The following SHANK1 variants were observed in gnomAD, a reference collection of about 807,000 sequenced individuals.
The protein encoded by SHANK1 is SH3 and multiple ankyrin repeat domains protein 1.
A neutral mutation model predicts 165.6 loss-of-function variants in SHANK1; 35 were observed. That is an observed-to-expected ratio of 0.21 (90% CI 0.16 to 0.28). The LOEUF (loss-of-function observed/expected upper bound fraction) is 0.28, where lower values mean the gene tolerates loss of function less well. Ranked by LOEUF, SHANK1 falls within the 10% of genes least tolerant of loss-of-function variation. The pLI is 1.00. For missense variants in SHANK1, 2,681 were observed against 3,036.4 expected (o/e 0.88, Z 2.75); for synonymous variants, 1,428 against 1,384.8 (o/e 1.03, Z -0.69).
chr19:50,695,784 A>T (rs1008895088), intron 15 of SHANK1, among the ~76,000 whole-genome samples: 5 of 151,952 alleles, frequency 3.3e-5, no homozygotes, highest in Non-Finnish European at 7.4e-5. Context: ...CCCCAAGGCC[A>T]TGAGCAACAC....
At chr19:50,666,052 T>G in intron 23 of SHANK1, 140 bp downstream of exon 23, 1 of 732,134 alleles carries the variant, frequency 1.4e-6, no homozygotes, top group Non-Finnish European at 2.1e-6. Flanking sequence ...AAGAAAATAT[T>G]TGTGAAAGCA....
rs145397324 is a variant in SHANK1, at chr19:50,690,532, A to G, written c.1965-1253T>C. 7.9e-5 allele frequency among the ~76,000 whole-genome samples: 12 copies of G among 152,210 alleles called. No homozygotes were observed. In the East Asian group the frequency reaches 2.3e-3, roughly 29 times the overall value. On this transcript the variant is annotated intron_variant, in intron 15 of 23. Transcript: ENST00000293441. The surrounding 1 kb of genome is among the most constrained non-coding windows in gnomAD (Gnocchi z 4.9). ...TGCTGAGCTTCCTTCAGCACTGTCT[A>G]AAGCCTGTCCCAGGGCACACTTGTA...
At chr19:50,694,302 G>A (rs1235517477) in intron 15 of SHANK1, among the ~76,000 whole-genome samples, 1 of 151,928 alleles carries the variant, frequency 6.6e-6, no homozygotes, top group Non-Finnish European at 1.5e-5. Context: ...AAAGAGGAGG[G>A]GAGGGGAAGC....
In SHANK1 at chr19:50,697,651, G is replaced by C. The variant is rs1172171809; in HGVS notation, c.1875C>G (p.Asp625Glu). The change falls in exon 14 of 24, where the codon GAC (aspartate) becomes GAG (glutamate). Residue 625 changes from aspartate (D) to glutamate (E), a missense_variant. Physicochemically the swap from Asp to Glu is conservative, Grantham distance 45. Coordinates refer to ENST00000293441, the MANE Select transcript of SHANK1 (RefSeq NM_016148.5). The surrounding 1 kb of genome is among the most constrained non-coding windows in gnomAD (Gnocchi z 4.7). Reference sequence around the variant, plus strand: ...AATGCCGGAAGAGTCTCTTTGCCTTGTCACTGCGGCTTTCTGCAGGGTGAC... The same window carrying C: ...AATGCCGGAAGAGTCTCTTTGCCTTCTCACTGCGGCTTTCTGCAGGGTGAC... ...SQESKQESRS[D>E]KAKRLFRHYT... 1.2e-6 allele frequency: 2 copies of C among 1,613,960 alleles called. No individual in the cohort carries two copies. The highest frequency in any genetic ancestry group is 4.5e-5 in the East Asian group (2 of 44,882).
At position 50,661,734 on chromosome 19, in the gene SHANK1, C is replaced by A; in HGVS notation, c.*231G>T. On this transcript the variant is annotated 3_prime_UTR_variant, in exon 24 of 24. Coordinates refer to ENST00000293441, the MANE Select transcript of SHANK1 (RefSeq NM_016148.5). ...ATTTCTCCTATCCCCCCTCCGCTCCCCGCTTCACACACACACACACACTCT... is the reference window on the plus strand; with the variant it reads ...ATTTCTCCTATCCCCCCTCCGCTCCACGCTTCACACACACACACACACTCT... The A allele has an allele frequency of 2.1e-6, 1 of 468,290 alleles. No homozygotes were observed. The highest frequency in any genetic ancestry group is 2.3e-5 in the South Asian group (1 of 44,162). The allele number at this position is 468,290 out of a possible 1,614,324, so 29.0% of individuals were successfully genotyped here.
rs776687083 is a variant in SHANK1 at position 50,667,436 on chromosome 19, C to A, written c.4524G>T (p.Arg1508Ser). Residue 1508 changes from arginine to serine, a missense_variant, in exon 23 of 24, where the codon AGG (arginine) becomes AGT (serine). Physicochemically the swap from Arg to Ser is moderately radical, Grantham distance 110 (BLOSUM62 -1). This residue lies in a region of SHANK1 where 1,713 missense variants were observed against 1,630.2 expected (regional missense o/e 1.05). Transcript: ENST00000293441. This position sits in a 1 kb window ranked among gnomAD's most constrained non-coding sequence, Gnocchi z 5.7. ...CQPRAPVTSG[R>S]GPPSEDGPGV... The stretch of plus-strand genomic sequence containing the variant: ...CCGGCCCGTCCTCCGAGGGGGGACC[C>A]CTTCCGCTCGTCACAGGGGCCCGGG... 11 of 1,525,482 alleles carry A rather than the reference C, an allele frequency of 7.2e-6. No individual in the cohort carries two copies. Among genetic ancestry groups the A allele is most frequent in the African/African-American group, 1.4e-5 (1 of 72,788 alleles). 94.5% of individuals were successfully genotyped at this position (1,525,482 alleles called of 1,614,324 possible).
In SHANK1 at chr19:50,686,205, C is replaced by T. The variant is rs369206881; in HGVS notation, c.2577+32G>A. 1.1e-4 allele frequency: 148 copies of T among 1,333,588 alleles called. 1 individual carries two copies. The African/African-American group carries it at 1.8e-3, about 17-fold the overall frequency. The allele number at this position is 1,333,588 out of a possible 1,614,324, so 82.6% of individuals were successfully genotyped here. ...GGTTGGTGTGTGAACCGCCTCCCCC[C>T]TGGCAGTTCCTCCCCACACCAGGCC... is the stretch of plus-strand genomic sequence containing the variant. On this transcript the variant is annotated intron_variant, in intron 21 of 23. Transcript: ENST00000293441. The surrounding 1 kb of genome is among the most constrained non-coding windows in gnomAD (Gnocchi z 5.7).
chr19:50,703,399 C>A (rs1043437275), intron 11 of SHANK1, 101 bp downstream of exon 11: 9 of 1,031,686 alleles, frequency 8.7e-6, no homozygotes, highest in Admixed American at 7.0e-5. Context: ...GGATGAGGGC[C>A]TACAGAGGAA....
Position 50,719,485 on chromosome 19 carries a change from G to C in SHANK1, c.-123C>G, listed in dbSNP as rs1416116417. The C allele has an allele frequency of 1.0e-3, 1 of 1,002 alleles. No homozygotes were observed. The highest frequency in any genetic ancestry group is 4.5e-3 in the African/African-American group (1 of 224). The allele number at this position is 1,002 out of a possible 1,614,324, so 0.1% of individuals were successfully genotyped here. A position where few individuals can be genotyped will look rare whatever the true frequency, so the allele number is the denominator to read the frequency against. On this transcript the variant is annotated 5_prime_UTR_variant, in exon 1 of 24. Coordinates refer to ENST00000293441, the MANE Select transcript of SHANK1 (RefSeq NM_016148.5). Reference sequence around the variant, plus strand: ...TCCCCCCACCCCCCACCCCCCCGGAGACGGGGACCCTCAGGCCATGCCCCA... The same window carrying C: ...TCCCCCCACCCCCCACCCCCCCGGACACGGGGACCCTCAGGCCATGCCCCA...
Position 50,704,213 on chromosome 19 carries a change from G to A in SHANK1, c.1156-27C>T, listed in dbSNP as rs750347777. 86 of 1,608,770 alleles carry A rather than the reference G, an allele frequency of 5.3e-5. 1 individual carries two copies. The South Asian group carries it at 6.7e-4, about 13-fold the overall frequency. ...TGGAGGGAGGGGGTAGAGGCAGGTCGGCCAGGGGGGCCCAGGCAGCAGAGA... is the reference window on the plus strand; with the variant it reads ...TGGAGGGAGGGGGTAGAGGCAGGTCAGCCAGGGGGGCCCAGGCAGCAGAGA... On this transcript the variant is annotated intron_variant, in intron 9 of 23. Transcript: ENST00000293441.
chr19:50,713,316 C>T lies in SHANK1; in HGVS notation c.792+482G>A, dbSNP rs191576517. Among the ~76,000 whole-genome samples, 273 of 151,448 alleles carry T rather than the reference C, an allele frequency of 1.8e-3. 2 individuals are homozygous for T. The highest frequency in any genetic ancestry group is 6.8e-3 in the Middle Eastern group (2 of 292). On this transcript the variant is annotated intron_variant, in intron 6 of 23. Coordinates refer to ENST00000293441, the MANE Select transcript of SHANK1 (RefSeq NM_016148.5). This position sits in a 1 kb window ranked among gnomAD's most constrained non-coding sequence, Gnocchi z 6.2. Reference sequence around the variant, plus strand: ...TCTATTTGGGAAAGTGCATTTGAGGCTGTGTACGTGGGGAAGGGGCTGTAT... The same window carrying T: ...TCTATTTGGGAAAGTGCATTTGAGGTTGTGTACGTGGGGAAGGGGCTGTAT...
chr19:50,697,523 T>C lies in SHANK1; in HGVS notation c.1937+66A>G, dbSNP rs1288897647. 3 of 1,180,764 alleles carry C rather than the reference T, an allele frequency of 2.5e-6. No homozygotes were observed. Among genetic ancestry groups the C allele is most frequent in the Non-Finnish European group, 3.8e-6 (3 of 784,640 alleles). 73.1% of individuals were successfully genotyped at this position (1,180,764 alleles called of 1,614,324 possible). ...GGGGCTTAGAGGTGATGGAAATATT[T>C]AAAGGTGTACATTGTGAAGGGAACT... On this transcript the variant is annotated intron_variant, in intron 14 of 23. Coordinates refer to ENST00000293441, the MANE Select transcript of SHANK1 (RefSeq NM_016148.5). The surrounding 1 kb of genome is among the most constrained non-coding windows in gnomAD (Gnocchi z 4.7).
At position 50,662,544 on chromosome 19, in the gene SHANK1, G is replaced by T; in HGVS notation, c.5907C>A (p.Thr1969=). ...TGGAGGAGGAGGAGGCTGAGGGTGA[G>T]GTGGCCCCTGGGGCCGCAGCGGCTG... ...SPTAAAAPGA[T]SPSASSSSTS... Residue 1969 remains threonine, a synonymous_variant, in exon 24 of 24, where the codon ACC becomes ACA. Coordinates refer to ENST00000293441, the MANE Select transcript of SHANK1 (RefSeq NM_016148.5). The surrounding 1 kb of genome is among the most constrained non-coding windows in gnomAD (Gnocchi z 7.7). The T allele has an allele frequency of 6.4e-7, 1 of 1,561,008 alleles. No homozygotes were observed. The highest frequency in any genetic ancestry group is 2.4e-5 in the East Asian group (1 of 41,876).
At chr19:50,706,502 C>T (rs1235988659) in intron 8 of SHANK1, among the ~76,000 whole-genome samples, 1 of 151,992 alleles carries the variant, frequency 6.6e-6, no homozygotes, top group Admixed American at 6.6e-5. Context: ...CCACCCTGAC[C>T]CTCACCAACT....
chr19:50,687,094 GTGAGGGGCC>G (rs1986369041), intron 19 of SHANK1: 1 of 1,315,208 alleles, frequency 7.6e-7, no homozygotes, highest in African/African-American at 1.6e-5. Context: ...TCAGGGGAAG[GTGAGGGGCC>G]CCCTGTCTGG....
chr19:50,692,612 C>A (rs1986576122), intron 15 of SHANK1, among the ~76,000 whole-genome samples: 1 of 151,674 alleles, frequency 6.6e-6, no homozygotes, highest in African/African-American at 2.4e-5. Context: ...GACTCCCTCA[C>A]CCAATCCCCA....
chr19:50,686,595 A>G lies in SHANK1; in HGVS notation c.2458+149T>C, dbSNP rs1986346048. 1 of 742,296 alleles carries G rather than the reference A, an allele frequency of 1.3e-6. No individual in the cohort carries two copies. Among genetic ancestry groups the G allele is most frequent in the African/African-American group, 1.8e-5 (1 of 54,644 alleles). 46.0% of individuals were successfully genotyped at this position (742,296 alleles called of 1,614,324 possible). A position where few individuals can be genotyped will look rare whatever the true frequency, so the allele number is the denominator to read the frequency against. On this transcript the variant is annotated intron_variant, in intron 20 of 23. Transcript: ENST00000293441. The surrounding 1 kb of genome is among the most constrained non-coding windows in gnomAD (Gnocchi z 5.7). ...GGCAGGGAACGGGGCAGCCGTCGGG[A>G]GAGGGCGGGCGGAGGGAGGGGAGGT...
chr19:50,671,180 CT>C (rs35076465), intron 22 of SHANK1, among the ~76,000 whole-genome samples: 116 of 76,726 alleles, frequency 1.5e-3, no homozygotes, highest in African/African-American at 5.6e-3. Flanking sequence ...TTTTTTCACT[CT>C]TTTTTTTTTT....
At position 50,686,689 on chromosome 19, in the gene SHANK1, G is replaced by A. The variant is rs534444846; in HGVS notation, c.2458+55C>T. The A allele has an allele frequency of 1.2e-4, 184 of 1,527,012 alleles. No homozygotes were observed. Among genetic ancestry groups the A allele is most frequent in the Admixed American group, 3.1e-4 (18 of 58,756 alleles). 94.6% of individuals were successfully genotyped at this position (1,527,012 alleles called of 1,614,324 possible). A position where few individuals can be genotyped will look rare whatever the true frequency, so the allele number is the denominator to read the frequency against. ...GGGTTCATGGTGGGACAGGGATGCA[G>A]CGGGTGCCGGGGCTGGGGCCCGGCA... On this transcript the variant is annotated intron_variant, in intron 20 of 23. Transcript: ENST00000293441. The surrounding 1 kb of genome is among the most constrained non-coding windows in gnomAD (Gnocchi z 5.7).
Sources: gnomAD v4.1 joint callset for allele counts (sites outside exome capture counted in the v4.1 genomes callset) on GRCh38, gnomAD v4.1.1 for gene constraint, gnomAD v4.1.1 regional missense constraint, Gnocchi (gnomAD v3.1) non-coding constraint, MANE v1.5 for transcripts, NCBI Gene and HGNC (gene_info 2026-07-23, HGNC 2026-07-21) for gene names.